Variants in ZNF423 observed in about 807,000 individuals in gnomAD.
The protein encoded by ZNF423 is zinc finger protein 423.
Under a neutral mutation model 95.8 loss-of-function variants are expected in ZNF423, and 12 were observed. The observed-to-expected ratio is 0.13, with a 90% CI of 0.08 to 0.20. ZNF423 has a LOEUF of 0.20. Ranked by LOEUF, ZNF423 falls within the 10% of genes least tolerant of loss-of-function variation. The probability of loss-of-function intolerance (pLI) is 1.00; values close to 1 mark genes in which losing one functional copy is unlikely to be tolerated. For synonymous variants in ZNF423, 749 were observed against 711.9 expected (o/e 1.05, Z -0.83); for missense variants, 1,316 against 1,737.1 (o/e 0.76, Z 4.31).
chr16:49,515,164 G>C (rs1254297029), intron 7 of ZNF423, among the ~76,000 whole-genome samples: 1 of 152,282 alleles, frequency 6.6e-6, no homozygotes, highest in Non-Finnish European at 1.5e-5. Context: ...AAGCAACAGG[G>C]TTTGCAGGGT....
intron 7 of ZNF423, among the ~76,000 whole-genome samples, chr16:49,494,248 G>A (rs117247301): frequency 0.024 from 3,730 of 152,304 alleles, 63 homozygotes; most frequent in Middle Eastern, 0.051. Context: ...GGGCTCTGAG[G>A]TTACACTCAA....
intron 1 of ZNF423, among the ~76,000 whole-genome samples, chr16:49,792,191 G>A (rs969938917): frequency 3.3e-5 from 5 of 151,668 alleles, no homozygotes; most frequent in Non-Finnish European, 7.4e-5. Context: ...TCTGACCTCT[G>A]TGCACCCAGG....
chr16:49,824,631 C>T (rs187390641), intron 1 of ZNF423, among the ~76,000 whole-genome samples: 1 of 152,306 alleles, frequency 6.6e-6, no homozygotes, highest in East Asian at 1.9e-4. Context: ...CTGGGCACCA[C>T]CAGAGCTCCA....
chr16:49,685,881 A>G (rs1205645915), intron 3 of ZNF423, among the ~76,000 whole-genome samples: 1 of 151,988 alleles, frequency 6.6e-6, no homozygotes, highest in East Asian at 1.9e-4. Flanking sequence ...CTGGCTCACC[A>G]CGCTCCCCCA....
intron 3 of ZNF423, among the ~76,000 whole-genome samples, chr16:49,687,024 G>T (rs138235718): frequency 3.2e-4 from 49 of 152,066 alleles, no homozygotes; most frequent in African/African-American, 9.4e-4. Context: ...GTGTACAGAA[G>T]AACCAGATGG....
chr16:49,551,359 T>C (rs948098696), intron 5 of ZNF423, among the ~76,000 whole-genome samples: 1 of 152,234 alleles, frequency 6.6e-6, no homozygotes, highest in Non-Finnish European at 1.5e-5. Flanking sequence ...CCTATCAGCA[T>C]CTCAAAACAC....
chr16:49,796,673 C>G (rs1242546890), intron 1 of ZNF423, among the ~76,000 whole-genome samples: 1 of 152,118 alleles, frequency 6.6e-6, no homozygotes, highest in African/African-American at 2.4e-5. Context: ...TAGTGCTGGT[C>G]CAAGGGTCAG....
At position 49,488,220 on chromosome 16, in the gene ZNF423, T is replaced by C. The variant is rs1252120472; in HGVS notation, c.*3055A>G. 2 of 152,254 alleles carry C rather than the reference T, an allele frequency of 1.3e-5. No homozygotes were observed. Among genetic ancestry groups the C allele is most frequent in the Non-Finnish European group, 2.9e-5 (2 of 68,056 alleles). The allele number at this position is 152,254 out of a possible 1,614,324, so 9.4% of individuals were successfully genotyped here. A position where few individuals can be genotyped will look rare whatever the true frequency, so the allele number is the denominator to read the frequency against. On this transcript the variant is annotated 3_prime_UTR_variant, in exon 8 of 8. Coordinates refer to ENST00000563137, the MANE Select transcript of ZNF423 (RefSeq NM_001379286.1). ...GAAGAAAAACAGGTGAAAAGTTCAA[T>C]ATTACACAACTGTGAATTTAAAAGG...
intron 3 of ZNF423, among the ~76,000 whole-genome samples, chr16:49,729,750 A>G (rs527745471): frequency 1.3e-5 from 2 of 152,038 alleles, no homozygotes; most frequent in East Asian, 3.9e-4. Context: ...CTGTGCAGGC[A>G]CAGATGTCAC....
intron 5 of ZNF423, among the ~76,000 whole-genome samples, chr16:49,618,314 T>A (rs1971944772): frequency 6.6e-6 from 1 of 152,176 alleles, no homozygotes. Context: ...TGAGTAAGCT[T>A]CATTAGATGG....
chr16:49,833,442 T>C (rs1316344228), intron 1 of ZNF423, among the ~76,000 whole-genome samples: 1 of 152,230 alleles, frequency 6.6e-6, no homozygotes, highest in Non-Finnish European at 1.5e-5. Flanking sequence ...CAAACAGGGC[T>C]GTTAAATTCA....
At chr16:49,724,621 G>A (rs751529294) in intron 3 of ZNF423, among the ~76,000 whole-genome samples, 13 of 152,194 alleles carry the variant, frequency 8.5e-5, no homozygotes, top group Non-Finnish European at 1.0e-4. Flanking sequence ...CTGGCCAGCC[G>A]GCCGACAGCA....
rs141350984 is a variant in ZNF423 at position 49,503,662 on chromosome 16, C to G, written c.3850-12358G>C. ...TGCAGAGGCTTCAACTCTGCATGTC[C>G]TGCAACTTGCAGTGACCTGGTTGTT... On this transcript the variant is annotated intron_variant, in intron 7 of 7. Transcript: ENST00000563137. Among the ~76,000 whole-genome samples, 1,412 of 152,322 alleles carry G rather than the reference C, an allele frequency of 9.3e-3. 11 individuals are homozygous for G. Among genetic ancestry groups the G allele is most frequent in the Non-Finnish European group, 0.013 (869 of 68,038 alleles).
intron 5 of ZNF423, among the ~76,000 whole-genome samples, chr16:49,593,933 C>G (rs1244361863): frequency 6.6e-6 from 1 of 152,148 alleles, no homozygotes; most frequent in East Asian, 1.9e-4. Context: ...CCTGGCCCCC[C>G]ATGGAACCCG....
At chr16:49,815,866 CAAACAAAAA>C (rs1194078396) in intron 1 of ZNF423, among the ~76,000 whole-genome samples, 34 of 57,892 alleles carry the variant, frequency 5.9e-4, no homozygotes, top group African/African-American at 1.3e-3. Context: ...TAATTCCAAA[CAAACAAAAA>C]AAAAAAATAT....
intron 7 of ZNF423, among the ~76,000 whole-genome samples, chr16:49,500,619 T>TA (rs963135629): frequency 2.0e-5 from 3 of 151,828 alleles, no homozygotes; most frequent in South Asian, 2.1e-4. Context: ...CGAAACTCCA[T>TA]AAAAAATGGC....
chr16:49,800,730 C>CA (rs1325251255), intron 1 of ZNF423, among the ~76,000 whole-genome samples: 2 of 152,234 alleles, frequency 1.3e-5, no homozygotes, highest in African/African-American at 4.8e-5. Flanking sequence ...CAGGCCCCCT[C>CA]AGAGGGAGCC....
At chr16:49,547,123 T>C (rs1229507432) in intron 5 of ZNF423, among the ~76,000 whole-genome samples, 1 of 152,146 alleles carries the variant, frequency 6.6e-6, no homozygotes, top group African/African-American at 2.4e-5. Flanking sequence ...GGGAAAGCTA[T>C]GTTGTAGTAA....
intron 1 of ZNF423, among the ~76,000 whole-genome samples, chr16:49,849,287 A>G (rs987442070): frequency 1.3e-5 from 2 of 152,210 alleles, no homozygotes; most frequent in Non-Finnish European, 2.9e-5. Flanking sequence ...CCTCTGAGAT[A>G]CAAATGCCTA....
Sources: gnomAD v4.1 joint callset for allele counts (sites outside exome capture counted in the v4.1 genomes callset) on GRCh38, gnomAD v4.1.1 for gene constraint, MANE v1.5 for transcripts, NCBI Gene and HGNC (gene_info 2026-07-23, HGNC 2026-07-21) for gene names.